ABCC12: variants seen among roughly 807,000 people sequenced by gnomAD.
ABCC12 encodes ATP binding cassette subfamily C member 12, also known as ATP-binding cassette sub-family C member 12.
Under a neutral mutation model 151.1 loss-of-function variants are expected in ABCC12, and 142 were observed. The observed-to-expected ratio is 0.94, with a 90% CI of 0.82 to 1.08. The LOEUF (loss-of-function observed/expected upper bound fraction) is 1.08. ABCC12 is among the 50% of genes least tolerant of loss of function. The pLI is 0.00. For synonymous variants in ABCC12, 645 were observed against 646.4 expected (o/e 1.00, Z 0.03); for missense variants, 1,638 against 1,691.1 (o/e 0.97, Z 0.55).
At chr16:48,116,594 A>T (rs968347030) in intron 14 of ABCC12, among the ~76,000 whole-genome samples, 1 of 152,106 alleles carries the variant, frequency 6.6e-6, no homozygotes, top group Non-Finnish European at 1.5e-5. Context: ...GCAGTGTGGG[A>T]GGTCTCAGAT....
chr16:48,139,455 C>T (rs1964730116), intron 6 of ABCC12, 119 bp from the exon 7 acceptor site: 5 of 1,108,634 alleles, frequency 4.5e-6, no homozygotes, highest in Non-Finnish European at 6.4e-6. Context: ...TTCTCTAAAG[C>T]AGGAAGGGGT....
rs377647526 is a variant in ABCC12 at position 48,107,438 on chromosome 16, C to T, written c.2372-13G>A. 6.8e-5 allele frequency: 110 copies of T among 1,611,242 alleles called. No individual in the cohort carries two copies. Among genetic ancestry groups the T allele is most frequent in the Non-Finnish European group, 8.2e-5 (97 of 1,177,546 alleles). ...GAAAGGAGGTACCCTGCAAGAGGAG[C>T]GGAGAGGCCCAAGGGGCTGCAGACA... On this transcript the variant is annotated splice_polypyrimidine_tract_variant and intron_variant, in intron 19 of 30. Transcript: ENST00000311303.
chr16:48,091,568 G>A (rs1215963041), intron 24 of ABCC12, among the ~76,000 whole-genome samples: 3 of 152,114 alleles, frequency 2.0e-5, no homozygotes, highest in Non-Finnish European at 4.4e-5. Flanking sequence ...GCTGCCACCT[G>A]GCAGGGTCTT....
chr16:48,096,916 C>T lies in ABCC12; in HGVS notation c.3039-14G>A, dbSNP rs776810597. 2 of 1,613,822 alleles carry T rather than the reference C, an allele frequency of 1.2e-6. No individual in the cohort carries two copies. Among genetic ancestry groups the T allele is most frequent in the African/African-American group, 1.3e-5 (1 of 74,886 alleles). On this transcript the variant is annotated splice_polypyrimidine_tract_variant and intron_variant, in intron 23 of 30. Coordinates refer to ENST00000311303, the MANE Select transcript of ABCC12 (RefSeq NM_001393797.1). ...TAGAGGAGGTGACTGGAGTTTTCGT[C>T]GTTTAGCGTCTTAAACCTACAGTCA...
chr16:48,087,827 A>T, intron 27 of ABCC12, 99 bp downstream of exon 27: 1 of 1,322,234 alleles, frequency 7.6e-7, no homozygotes, highest in Non-Finnish European at 1.0e-6. Flanking sequence ...CAGACAGAAC[A>T]GCTCCAGGCC....
At chr16:48,147,100 C>T (rs1442663606) in intron 2 of ABCC12, among the ~76,000 whole-genome samples, 1 of 152,174 alleles carries the variant, frequency 6.6e-6, no homozygotes, top group East Asian at 1.9e-4. Context: ...TCAGGACCAG[C>T]CACATCTGGA....
chr16:48,128,619 G>A lies in ABCC12; in HGVS notation c.1355C>T (p.Thr452Ile). Residue 452 changes from threonine (T) to isoleucine (I), a missense_variant, in exon 11 of 31, where the codon ACC (threonine) becomes ATC (isoleucine). Coordinates refer to ENST00000311303, the MANE Select transcript of ABCC12 (RefSeq NM_001393797.1). ...TWEHEASRKS[T>I]PKKLQNQKRH... ...TTTCTGGTTCTGCAATTTCTTTGGG[G>A]TACTTTTCCTGCTGGCTTCATGCTC... is the stretch of plus-strand genomic sequence containing the variant. 6.2e-7 allele frequency: 1 copy of A among 1,614,178 alleles called. No individual in the cohort carries two copies. Among genetic ancestry groups the A allele is most frequent in the Non-Finnish European group, 8.5e-7 (1 of 1,180,030 alleles).
At chr16:48,103,382 G>A (rs1006654797) in intron 22 of ABCC12, among the ~76,000 whole-genome samples, 1 of 152,188 alleles carries the variant, frequency 6.6e-6, no homozygotes, top group African/African-American at 2.4e-5. Flanking sequence ...TGATTTTTAT[G>A]GAAACTCTTG....
chr16:48,141,372 A>G lies in ABCC12; in HGVS notation c.276-19T>C. The G allele has an allele frequency of 6.2e-7, 1 of 1,613,532 alleles. No homozygotes were observed. Among genetic ancestry groups the G allele is most frequent in the Non-Finnish European group, 8.5e-7 (1 of 1,179,596 alleles). On this transcript the variant is annotated intron_variant, in intron 4 of 30. Coordinates refer to ENST00000311303, the MANE Select transcript of ABCC12 (RefSeq NM_001393797.1). ...TCGAAATCTGTGATGAAAAAACAGAAGCATAAAATGGATTGGCACTTCTAT... is the reference window on the plus strand; with the variant it reads ...TCGAAATCTGTGATGAAAAAACAGAGGCATAAAATGGATTGGCACTTCTAT...
At chr16:48,139,599 T>C (rs1169842242) in intron 6 of ABCC12, among the ~76,000 whole-genome samples, 1 of 152,148 alleles carries the variant, frequency 6.6e-6, no homozygotes, top group African/African-American at 2.4e-5. Flanking sequence ...GAGGGACTGC[T>C]AGCTGCCTAC....
intron 2 of ABCC12, among the ~76,000 whole-genome samples, chr16:48,152,727 A>G (rs1965133837): frequency 6.6e-6 from 1 of 152,228 alleles, no homozygotes; most frequent in Admixed American, 6.5e-5. Flanking sequence ...GACGGCCCGC[A>G]TGCAGTATTC....
intron 4 of ABCC12, among the ~76,000 whole-genome samples, chr16:48,141,651 G>A (rs1311207628): frequency 6.6e-6 from 1 of 152,206 alleles, no homozygotes; most frequent in Non-Finnish European, 1.5e-5. Context: ...GAAGGCAGAG[G>A]CAACAAAGAG....
Position 48,144,005 on chromosome 16 carries a change from G to A in ABCC12, c.180C>T (p.Leu60=), listed in dbSNP as rs1596631451. The part of the protein sequence containing the change: ...GLLSFATFSW[L]TPVMVKGYRQ... Reference sequence around the variant, plus strand: ...GGTAGCCTTTCACCATCACCGGCGTGAGCCAGGAAAATGTGGCGAAGGAGA... The same window carrying A: ...GGTAGCCTTTCACCATCACCGGCGTAAGCCAGGAAAATGTGGCGAAGGAGA... Residue 60 remains leucine (L), a synonymous_variant, in exon 4 of 31, where the codon CTC becomes CTT. Transcript: ENST00000311303. 1.9e-6 allele frequency: 3 copies of A among 1,614,196 alleles called. No individual in the cohort carries two copies. Among genetic ancestry groups the A allele is most frequent in the Non-Finnish European group, 1.7e-6 (2 of 1,180,032 alleles).
rs748049038 is a variant in ABCC12 at position 48,121,747 on chromosome 16, T to C, written c.1681A>G (p.Ile561Val). 3.2e-5 allele frequency: 51 copies of C among 1,614,066 alleles called. No homozygotes were observed. The highest frequency in any genetic ancestry group is 3.3e-5 in the Admixed American group (2 of 59,998). The change falls in exon 13 of 31, where the codon ATA becomes GTA. Residue 561 changes from isoleucine (I) to valine (V), a missense_variant. Coordinates refer to ENST00000311303, the MANE Select transcript of ABCC12 (RefSeq NM_001393797.1). ...TGATCATACTTTTCTCCAAAGAGTA[T>C]GTTTTCTCTCACATTTCCATGAAAG... is the stretch of plus-strand genomic sequence containing the variant. ...WIFHGNVRENILFGEKYDHQR... is the reference protein window; with the variant it reads ...WIFHGNVRENVLFGEKYDHQR...
At chr16:48,086,269 C>T in intron 28 of ABCC12, 1 of 172,126 alleles carries the variant, frequency 5.8e-6, no homozygotes, top group Non-Finnish European at 1.3e-5. Flanking sequence ...CTCCAACCAG[C>T]CATACTTGCC....
At chr16:48,134,838 G>A (rs1054481852) in intron 8 of ABCC12, among the ~76,000 whole-genome samples, 1 of 152,026 alleles carries the variant, frequency 6.6e-6, no homozygotes, top group Admixed American at 6.5e-5. Flanking sequence ...GGATCACGAG[G>A]TCAGGAGATC....
chr16:48,135,251 A>C (rs1017330720), intron 8 of ABCC12, among the ~76,000 whole-genome samples: 1 of 152,136 alleles, frequency 6.6e-6, no homozygotes, highest in Non-Finnish European at 1.5e-5. Context: ...CAGCAAATAA[A>C]GGCCCTCCTT....
intron 9 of ABCC12, 27 bp downstream of exon 9, chr16:48,133,660 G>A: frequency 6.2e-7 from 1 of 1,610,442 alleles, no homozygotes; most frequent in Non-Finnish European, 8.5e-7. Flanking sequence ...GGTTGTGAAA[G>A]AGCCTCGATC....
intron 4 of ABCC12, 57 bp downstream of exon 4, chr16:48,143,853 T>C: frequency 6.5e-7 from 1 of 1,547,392 alleles, no homozygotes; most frequent in Non-Finnish European, 8.8e-7. Flanking sequence ...CTCTCAGGTA[T>C]TTCCTCATAG....
Sources: allele counts gnomAD v4.1 joint callset (sites outside exome capture counted in the v4.1 genomes callset), GRCh38; gene constraint gnomAD v4.1.1; transcripts MANE v1.5; gene names NCBI Gene and HGNC (gene_info 2026-07-23, HGNC 2026-07-21).